The following TRAPPC9 variants were observed in gnomAD, a reference collection of about 807,000 sequenced individuals.
The protein encoded by TRAPPC9 is IKK2 binding protein.
Under a neutral mutation model 124.0 loss-of-function variants are expected in TRAPPC9, and 83 were observed. The ratio of observed to expected loss-of-function variants is 0.67; its 90% CI spans 0.56 to 0.80. The LOEUF is 0.80. Ranked by LOEUF, TRAPPC9 falls within the 30% of genes least tolerant of loss-of-function variation. The probability of loss-of-function intolerance (pLI) is 0.00; values close to 1 mark genes in which losing one functional copy is unlikely to be tolerated. For synonymous variants in TRAPPC9, 638 were observed against 617.5 expected, an observed-to-expected ratio of 1.03 and a Z score of -0.49; for missense variants, 1,302 against 1,508.3, an observed-to-expected ratio of 0.86 and a Z score of 2.27.
intron 17 of TRAPPC9, among the ~76,000 whole-genome samples, chr8:140,075,973 C>T (rs1012966033): frequency 2.6e-5 from 4 of 152,194 alleles, no homozygotes; most frequent in Admixed American, 1.3e-4. Context: ...GCAACGATAA[C>T]GAGAAGAGCA....
At chr8:139,774,229 C>T (rs1473528569) in intron 21 of TRAPPC9, among the ~76,000 whole-genome samples, 1 of 152,204 alleles carries the variant, frequency 6.6e-6, no homozygotes, top group African/African-American at 2.4e-5. Flanking sequence ...TTATGGATCA[C>T]AGGCCACTCG....
At chr8:139,737,097 G>A (rs1343405680) in intron 21 of TRAPPC9, among the ~76,000 whole-genome samples, 1 of 152,222 alleles carries the variant, frequency 6.6e-6, no homozygotes. Flanking sequence ...ACACGTGAAA[G>A]CGCGGGTGCT....
rs1842741578 is a variant in TRAPPC9 at position 140,063,439 on chromosome 8, G to A, written c.2557-39360C>T. On this transcript the variant is annotated intron_variant, in intron 17 of 22. Coordinates refer to ENST00000438773, the MANE Select transcript of TRAPPC9 (RefSeq NM_001160372.4). The surrounding 1 kb of genome is among the most constrained non-coding windows in gnomAD (Gnocchi z 4.3). ...CATCTTGTTCTTAGAGCTCCTAGTTGATTTAGTGTATGTCCCTGTTAGCAT... is the reference window on the plus strand; with the variant it reads ...CATCTTGTTCTTAGAGCTCCTAGTTAATTTAGTGTATGTCCCTGTTAGCAT... 6.6e-6 allele frequency among the ~76,000 whole-genome samples: 1 copy of A among 152,124 alleles called. No individual in the cohort carries two copies. The highest frequency in any genetic ancestry group is 1.5e-5 in the Non-Finnish European group (1 of 68,030).
chr8:139,732,205 G>T lies in TRAPPC9; in HGVS notation c.3056-3C>A. The T allele has an allele frequency of 6.3e-7, 1 of 1,583,540 alleles. No homozygotes were observed. The highest frequency in any genetic ancestry group is 8.5e-7 in the Non-Finnish European group (1 of 1,171,650). ...TGGCTGTCCGTCCACCAGCACATCT[G>T]TAAGGGACACGAGACTGTCGGGGGC... On this transcript the variant is annotated splice_region_variant and splice_polypyrimidine_tract_variant and intron_variant, in intron 21 of 22. Transcript: ENST00000438773.
intron 21 of TRAPPC9, among the ~76,000 whole-genome samples, chr8:139,858,825 G>GC (rs971568610): frequency 2.7e-5 from 4 of 150,300 alleles, no homozygotes; most frequent in Non-Finnish European, 5.9e-5. Flanking sequence ...TGTGAATCCG[G>GC]GGGGGGCACA....
At chr8:140,031,946 G>A (rs1361724890) in intron 17 of TRAPPC9, among the ~76,000 whole-genome samples, 1 of 152,180 alleles carries the variant, frequency 6.6e-6, no homozygotes, top group Non-Finnish European at 1.5e-5. Context: ...ACTAAGGAGA[G>A]CATCAAGTCA....
At chr8:139,935,797 T>C (rs1236231389) in intron 19 of TRAPPC9, among the ~76,000 whole-genome samples, 1 of 152,146 alleles carries the variant, frequency 6.6e-6, no homozygotes, top group Non-Finnish European at 1.5e-5. Flanking sequence ...TATTTAGTGT[T>C]TTACAATTTA....
At chr8:139,761,361 G>A (rs186715282) in intron 21 of TRAPPC9, among the ~76,000 whole-genome samples, 3 of 152,256 alleles carry the variant, frequency 2.0e-5, no homozygotes, top group Non-Finnish European at 2.9e-5. Flanking sequence ...GCTCACAGCC[G>A]GACATGAAGC....
In TRAPPC9 at chr8:139,728,305, A is replaced by C. The variant is rs1200550088; in HGVS notation, c.*2756T>G. 3.3e-5 allele frequency among the ~76,000 whole-genome samples: 5 copies of C among 152,226 alleles called. No homozygotes were observed. Among genetic ancestry groups the C allele is most frequent in the Non-Finnish European group, 7.3e-5 (5 of 68,048 alleles). The stretch of plus-strand genomic sequence containing the variant: ...CTGGCCCTGAGGGACCAAGGATCAG[A>C]AGGGCAGAACCAACTCGCTCAGCTA... On this transcript the variant is annotated 3_prime_UTR_variant, in exon 23 of 23. Coordinates refer to ENST00000438773, the MANE Select transcript of TRAPPC9 (RefSeq NM_001160372.4).
At chr8:140,410,960 A>G (rs191161144) in intron 5 of TRAPPC9, among the ~76,000 whole-genome samples, 6 of 152,336 alleles carry the variant, frequency 3.9e-5, no homozygotes, top group Admixed American at 3.9e-4. Flanking sequence ...CATTAATGAT[A>G]TATAAACAGC....
intron 7 of TRAPPC9, among the ~76,000 whole-genome samples, chr8:140,379,405 A>G (rs1033021731): frequency 6.6e-6 from 1 of 152,002 alleles, no homozygotes; most frequent in African/African-American, 2.4e-5. Flanking sequence ...GGCTCTTGTG[A>G]AGGTGTGTGT....
intron 20 of TRAPPC9, among the ~76,000 whole-genome samples, chr8:139,891,495 T>C (rs1255781222): frequency 6.6e-6 from 1 of 152,226 alleles, no homozygotes; most frequent in African/African-American, 2.4e-5. Context: ...TGCTTCCTCA[T>C]GCACGTGCTC....
intron 21 of TRAPPC9, among the ~76,000 whole-genome samples, chr8:139,781,705 G>C (rs970591785): frequency 3.3e-5 from 5 of 152,122 alleles, no homozygotes; most frequent in Admixed American, 2.0e-4. Context: ...AGTTTGAAAG[G>C]CTGTGTGTGT....
At chr8:140,368,427 C>T (rs908943611) in intron 8 of TRAPPC9, among the ~76,000 whole-genome samples, 6 of 152,146 alleles carry the variant, frequency 3.9e-5, no homozygotes, top group African/African-American at 1.2e-4. Context: ...ATCAGCGCTC[C>T]GCCTGCCCCT....
chr8:139,953,147 CA>C (rs907077902), intron 19 of TRAPPC9, among the ~76,000 whole-genome samples: 4 of 152,220 alleles, frequency 2.6e-5, no homozygotes, highest in African/African-American at 4.8e-5. Context: ...CTATCTACAA[CA>C]ACTAACAAAA....
intron 9 of TRAPPC9, among the ~76,000 whole-genome samples, chr8:140,323,812 C>G (rs1022564615): frequency 1.3e-5 from 2 of 152,138 alleles, no homozygotes; most frequent in Non-Finnish European, 2.9e-5. Context: ...GACTTGAACC[C>G]ATCCACACAA....
At chr8:139,848,169 G>T (rs886591747) in intron 21 of TRAPPC9, among the ~76,000 whole-genome samples, 1 of 152,242 alleles carries the variant, frequency 6.6e-6, no homozygotes, top group Non-Finnish European at 1.5e-5. Context: ...AGACAGGACT[G>T]CATGACTGAA....
intron 17 of TRAPPC9, among the ~76,000 whole-genome samples, chr8:140,217,203 G>A (rs1370077559): frequency 1.3e-5 from 2 of 152,216 alleles, no homozygotes; most frequent in Admixed American, 6.5e-5. Flanking sequence ...AGCGCTGCTA[G>A]GGGCTTAAGG....
intron 21 of TRAPPC9, among the ~76,000 whole-genome samples, chr8:139,828,412 T>C (rs1265040016): frequency 1.3e-5 from 2 of 152,188 alleles, no homozygotes; most frequent in Non-Finnish European, 2.9e-5. Flanking sequence ...CACTACATGT[T>C]TCCTCAAAAT....
Sources: gnomAD v4.1 joint callset for allele counts (sites outside exome capture counted in the v4.1 genomes callset) on GRCh38, gnomAD v4.1.1 for gene constraint, Gnocchi (gnomAD v3.1) non-coding constraint, MANE v1.5 for transcripts, NCBI Gene and HGNC (gene_info 2026-07-23, HGNC 2026-07-21) for gene names.